RAI14: variants seen among roughly 807,000 people sequenced by gnomAD.
RAI14 encodes retinoic acid induced 14, also known as ankycorbin.
RAI14 carries 45 observed loss-of-function variants against 115.4 expected under a neutral mutation model. The observed-to-expected ratio is 0.39, with a 90% CI of 0.31 to 0.50. The LOEUF (loss-of-function observed/expected upper bound fraction) is 0.50, where lower values mean the gene tolerates loss of function less well. RAI14 is among the 20% of genes least tolerant of loss of function. The pLI is 0.85. For synonymous variants in RAI14, 371 were observed against 415.4 expected (o/e 0.89, Z 1.30); for missense variants, 939 against 1,131.2 (o/e 0.83, Z 2.44).
chr5:34,710,236 A>G (rs960289955), intron 2 of RAI14, among the ~76,000 whole-genome samples: 4 of 152,186 alleles, frequency 2.6e-5, no homozygotes, highest in Admixed American at 6.5e-5. Context: ...TGTAAGGAAG[A>G]GTCCTTCCTT....
intron 12 of RAI14, 77 bp downstream of exon 12, chr5:34,814,746 G>A: frequency 3.6e-6 from 4 of 1,113,668 alleles, no homozygotes; most frequent in Non-Finnish European, 5.5e-6. Flanking sequence ...ATATAACACT[G>A]GGAAAAACAG....
chr5:34,803,688 T>C, intron 4 of RAI14, 24 bp from the exon 5 acceptor site: 1 of 1,568,918 alleles, frequency 6.4e-7, no homozygotes, highest in Non-Finnish European at 8.7e-7. Context: ...TAAAAAAAAT[T>C]ATTATTTGAA....
At chr5:34,660,495 A>C (rs1742607076) in intron 1 of RAI14, among the ~76,000 whole-genome samples, 1 of 152,190 alleles carries the variant, frequency 6.6e-6, no homozygotes, top group South Asian at 2.1e-4. Context: ...CATGAGACAA[A>C]TCCATGGTGC....
intron 1 of RAI14, among the ~76,000 whole-genome samples, chr5:34,665,105 G>GTA (rs200984829): frequency 0.1 from 3,523 of 33,780 alleles, 1,479 homozygotes; most frequent in South Asian, 0.61. Flanking sequence ...ATATATATGT[G>GTA]TATATATATG....
At chr5:34,723,980 A>G (rs1025709883) in intron 2 of RAI14, among the ~76,000 whole-genome samples, 1 of 152,006 alleles carries the variant, frequency 6.6e-6, no homozygotes, top group African/African-American at 2.4e-5. Flanking sequence ...TATTATCTTT[A>G]TTATGGCATA....
In RAI14 at chr5:34,760,656, A is replaced by G. The variant is rs1458148732; in HGVS notation, c.167+3058A>G. Among the ~76,000 whole-genome samples, 5 of 152,240 alleles carry G rather than the reference A, an allele frequency of 3.3e-5. No individual in the cohort carries two copies. The East Asian group carries it at 7.7e-4, about 23-fold the overall frequency. ...AATTTAGATGAGCAGCTTAGCTACA[A>G]TTGTGATCACCTTAACAAATTTGAA... On this transcript the variant is annotated intron_variant, in intron 3 of 17. Transcript: ENST00000265109.
intron 2 of RAI14, among the ~76,000 whole-genome samples, chr5:34,699,953 T>C (rs1246783430): frequency 6.6e-6 from 1 of 152,088 alleles, no homozygotes; most frequent in African/African-American, 2.4e-5. Context: ...AGCCAGGTAC[T>C]GGATTAGCTT....
intron 2 of RAI14, among the ~76,000 whole-genome samples, chr5:34,701,432 C>T (rs987271208): frequency 1.4e-4 from 22 of 152,266 alleles, no homozygotes; most frequent in African/African-American, 5.3e-4. Flanking sequence ...AAACATGTGT[C>T]ATCTGTTCCC....
At chr5:34,715,628 G>A (rs1005330639) in intron 2 of RAI14, among the ~76,000 whole-genome samples, 1 of 152,042 alleles carries the variant, frequency 6.6e-6, no homozygotes, top group Admixed American at 6.6e-5. Flanking sequence ...CCCACCCCTC[G>A]AGTAAAATCA....
intron 6 of RAI14, 87 bp downstream of exon 6, chr5:34,807,944 C>G: frequency 1.0e-6 from 1 of 996,438 alleles, no homozygotes; most frequent in South Asian, 1.3e-5. Context: ...ACCTTCCATA[C>G]TATTCCTGGT....
At chr5:34,726,781 A>T (rs994637234) in intron 2 of RAI14, among the ~76,000 whole-genome samples, 1 of 152,178 alleles carries the variant, frequency 6.6e-6, no homozygotes, top group Non-Finnish European at 1.5e-5. Context: ...ACCATGTAAG[A>T]TGTGCCTTTG....
At chr5:34,681,033 A>G (rs374808079) in intron 1 of RAI14, among the ~76,000 whole-genome samples, 91 of 152,318 alleles carry the variant, frequency 6.0e-4, no homozygotes, top group African/African-American at 2.0e-3. Flanking sequence ...AGAAGCAGCA[A>G]CATAACTCAC....
chr5:34,779,556 A>G (rs1375707300), intron 3 of RAI14, among the ~76,000 whole-genome samples: 2 of 152,336 alleles, frequency 1.3e-5, no homozygotes, highest in African/African-American at 4.8e-5. Flanking sequence ...TGCAAAAATC[A>G]CAAGCATTCT....
chr5:34,676,845 G>A (rs1561228856), intron 1 of RAI14, among the ~76,000 whole-genome samples: 1 of 152,202 alleles, frequency 6.6e-6, no homozygotes, highest in African/African-American at 2.4e-5. Flanking sequence ...TAAAAAGAAT[G>A]TGCTCATTTA....
At chr5:34,703,606 A>T (rs1030261741) in intron 2 of RAI14, among the ~76,000 whole-genome samples, 1 of 152,228 alleles carries the variant, frequency 6.6e-6, no homozygotes, top group Non-Finnish European at 1.5e-5. Flanking sequence ...CCTGAGGTTT[A>T]TATAAAAATC....
At chr5:34,705,549 T>C (rs971097764) in intron 2 of RAI14, among the ~76,000 whole-genome samples, 10 of 152,212 alleles carry the variant, frequency 6.6e-5, no homozygotes, top group African/African-American at 2.4e-4. Context: ...TACATACTGC[T>C]CTCTTAATTA....
chr5:34,782,883 G>T (rs1274118364), intron 3 of RAI14, among the ~76,000 whole-genome samples: 1 of 152,196 alleles, frequency 6.6e-6, no homozygotes, highest in African/African-American at 2.4e-5. Context: ...AGGAATCGTT[G>T]CACAGCATGT....
At position 34,687,041 on chromosome 5, in the gene RAI14, G is replaced by C; in HGVS notation, c.36+86G>C. 2.7e-6 allele frequency: 4 copies of C among 1,472,354 alleles called. No homozygotes were observed. In the South Asian group the frequency reaches 4.7e-5, roughly 17 times the overall value. The allele number at this position is 1,472,354 out of a possible 1,614,324, so 91.2% of individuals were successfully genotyped here. On this transcript the variant is annotated intron_variant, in intron 2 of 17. Transcript: ENST00000265109. ...CTCCTCCCCACCTTGATAAGGCGCTGTTGGGTTAATAAACTACAGACACTC... is the reference window on the plus strand; with the variant it reads ...CTCCTCCCCACCTTGATAAGGCGCTCTTGGGTTAATAAACTACAGACACTC...
intron 2 of RAI14, among the ~76,000 whole-genome samples, chr5:34,713,971 A>G (rs1741711754): frequency 6.6e-6 from 1 of 151,718 alleles, no homozygotes; most frequent in Non-Finnish European, 1.5e-5. Context: ...CGCCTGGCTA[A>G]TTTTGTATTT....
Sources: allele counts gnomAD v4.1 joint callset (sites outside exome capture counted in the v4.1 genomes callset), GRCh38; gene constraint gnomAD v4.1.1; transcripts MANE v1.5; gene names NCBI Gene and HGNC (gene_info 2026-07-23, HGNC 2026-07-21).